C12orf42: variants seen among roughly 807,000 people sequenced by gnomAD.
C12orf42 encodes uncharacterized protein C12orf42.
A neutral mutation model predicts 21.6 loss-of-function variants in C12orf42; 25 were observed. The ratio of observed to expected loss-of-function variants is 1.16; its 90% confidence interval spans 0.84 to 1.62. The LOEUF (loss-of-function observed/expected upper bound fraction) is 1.62, where lower values mean the gene tolerates loss of function less well. Among genes scored for constraint, C12orf42 ranks in the 40% most tolerant of loss-of-function variants. C12orf42 has a pLI of 0.00. For missense variants in C12orf42, 483 were observed against 459.3 expected, an observed-to-expected ratio of 1.05 and a Z score of -0.47; for synonymous variants, 174 against 175.0, an observed-to-expected ratio of 0.99 and a Z score of 0.05.
intron 2 of C12orf42, among the ~76,000 whole-genome samples, chr12:103,408,889 T>C (rs1023763158): frequency 2.0e-5 from 3 of 152,212 alleles, no homozygotes; most frequent in Admixed American, 6.5e-5. Context: ...GAACAAGTTA[T>C]ATTTGATGTA....
At chr12:103,545,121 C>T in the C12orf42 span, among the ~76,000 whole-genome samples, 3 of 152,158 alleles carry the variant, frequency 2.0e-5, no homozygotes, top group African/African-American at 7.2e-5. Context: ...TTCCTACCAG[C>T]TCATTAGTAC....
At chr12:103,079,217 T>C in the C12orf42 span, among the ~76,000 whole-genome samples, 2 of 152,144 alleles carry the variant, frequency 1.3e-5, no homozygotes, top group South Asian at 4.1e-4. Context: ...ATCCAGGTAA[T>C]ACCAAATGGA....
chr12:103,374,698 A>G (rs2045544653), intron 3 of C12orf42, among the ~76,000 whole-genome samples: 3 of 152,162 alleles, frequency 2.0e-5, no homozygotes, highest in Admixed American at 1.3e-4. Flanking sequence ...AAATCTCATA[A>G]TATTTTAAGA....
intron 4 of C12orf42, among the ~76,000 whole-genome samples, chr12:103,327,058 T>C (rs2040778889): frequency 6.6e-6 from 1 of 152,162 alleles, no homozygotes; most frequent in Non-Finnish European, 1.5e-5. Flanking sequence ...TGTAGGAGTA[T>C]AAGAAATAGT....
At chr12:103,166,922 T>C in the C12orf42 span, among the ~76,000 whole-genome samples, 1 of 152,214 alleles carries the variant, frequency 6.6e-6, no homozygotes, top group Non-Finnish European at 1.5e-5. Flanking sequence ...TTATTATAAG[T>C]GTTATTAGTC....
At chr12:103,117,238 T>C in the C12orf42 span, among the ~76,000 whole-genome samples, 64 of 152,330 alleles carry the variant, frequency 4.2e-4, no homozygotes, top group African/African-American at 1.3e-3. Context: ...TGTCCTCTGT[T>C]TTCCTTTCTA....
the C12orf42 span, among the ~76,000 whole-genome samples, chr12:103,162,505 T>TGG: frequency 8.8e-6 from 1 of 113,520 alleles, no homozygotes; most frequent in Admixed American, 9.3e-5. Context: ...GCCAACAAGC[T>TGG]GGTGTGTGTG....
the C12orf42 span, among the ~76,000 whole-genome samples, chr12:103,104,082 G>T: frequency 6.6e-6 from 1 of 152,036 alleles, no homozygotes; most frequent in Non-Finnish European, 1.5e-5. Flanking sequence ...CATTTTAAAT[G>T]AGAAAACTGA....
chr12:103,442,811 T>C (rs1174070183), intron 2 of C12orf42, among the ~76,000 whole-genome samples: 1 of 152,158 alleles, frequency 6.6e-6, no homozygotes, highest in East Asian at 1.9e-4. Context: ...AAAGAATATA[T>C]GTATTAAAGA....
chr12:103,114,251 T>C, the C12orf42 span, among the ~76,000 whole-genome samples: 5 of 152,056 alleles, frequency 3.3e-5, no homozygotes, highest in African/African-American at 1.2e-4. Flanking sequence ...TTTTACGTTT[T>C]AAAGAAAGAT....
chr12:103,311,290 T>C (rs1181145450), intron 4 of C12orf42, among the ~76,000 whole-genome samples: 1 of 151,912 alleles, frequency 6.6e-6, no homozygotes, highest in Non-Finnish European at 1.5e-5. Context: ...ACTACGCTTA[T>C]TTATTTAGTT....
the C12orf42 span, among the ~76,000 whole-genome samples, chr12:103,087,104 T>G: frequency 7.5e-4 from 114 of 152,228 alleles, no homozygotes; most frequent in African/African-American, 2.4e-3. Context: ...TTGTTTGTTT[T>G]TTTAGATTCA....
chr12:103,206,935 G>A, the C12orf42 span, among the ~76,000 whole-genome samples: 1 of 152,176 alleles, frequency 6.6e-6, no homozygotes, highest in African/African-American at 2.4e-5. Flanking sequence ...ATTACAGATA[G>A]GGAAACTGAG....
intron 4 of C12orf42, among the ~76,000 whole-genome samples, chr12:103,319,385 AG>A (rs1243287295): frequency 6.6e-6 from 1 of 152,194 alleles, no homozygotes. Context: ...CAATTGAAAA[AG>A]AAATCCAGGC....
chr12:103,544,385 T>C, the C12orf42 span, among the ~76,000 whole-genome samples: 7 of 152,328 alleles, frequency 4.6e-5, no homozygotes, highest in African/African-American at 1.4e-4. Context: ...CTGTTACAAT[T>C]GCCATTCTTT....
chr12:103,501,393 A>T, the C12orf42 span, among the ~76,000 whole-genome samples: 3 of 152,326 alleles, frequency 2.0e-5, no homozygotes, highest in African/African-American at 7.2e-5. Flanking sequence ...TAGGGGTGAG[A>T]GAGGATGAAC....
downstream of C12orf42, among the ~76,000 whole-genome samples, chr12:103,265,193 G>T (rs1298165014): frequency 1.3e-5 from 2 of 152,012 alleles, no homozygotes; most frequent in Non-Finnish European, 2.9e-5. Flanking sequence ...CACCCCCAAG[G>T]TCCCACCCCC....
the C12orf42 span, among the ~76,000 whole-genome samples, chr12:103,139,636 C>T: frequency 7.2e-5 from 11 of 152,062 alleles, no homozygotes; most frequent in South Asian, 2.1e-4. Flanking sequence ...AGCATCAATA[C>T]ACAGAAAACT....
chr12:103,424,280 A>C (rs144423703), intron 2 of C12orf42, among the ~76,000 whole-genome samples: 143 of 152,372 alleles, frequency 9.4e-4, no homozygotes, highest in African/African-American at 3.3e-3. Context: ...AACTATAATA[A>C]GGAAAATATG....
Sources: allele counts gnomAD v4.1 joint callset (sites outside exome capture counted in the v4.1 genomes callset), GRCh38; gene constraint gnomAD v4.1.1; transcripts MANE v1.5; gene names NCBI Gene and HGNC (gene_info 2026-07-23, HGNC 2026-07-21).